Variants in POU2F3 observed in about 807,000 individuals in gnomAD.
The protein encoded by POU2F3 is POU domain, class 2, transcription factor 3.
POU2F3 carries 23 observed loss-of-function variants against 59.2 expected under a neutral mutation model. The ratio of observed to expected loss-of-function variants is 0.39; its 90% CI spans 0.28 to 0.55. The LOEUF is 0.55. Among genes scored for constraint, POU2F3 ranks in the 20% least tolerant of loss-of-function variants. POU2F3 has a pLI of 0.66. For missense variants in POU2F3, 473 were observed against 544.5 expected (o/e 0.87, Z 1.31); for synonymous variants, 190 against 214.6 (o/e 0.89, Z 1.00).
At chr11:120,275,048 G>A (rs933365595) in intron 3 of POU2F3, among the ~76,000 whole-genome samples, 1 of 152,238 alleles carries the variant, frequency 6.6e-6, no homozygotes, top group Non-Finnish European at 1.5e-5. Context: ...CACAGTGAGA[G>A]TGGATGTCAA....
chr11:120,248,771 C>G (rs115895131), intron 2 of POU2F3, among the ~76,000 whole-genome samples: 1 of 152,168 alleles, frequency 6.6e-6, no homozygotes, highest in Non-Finnish European at 1.5e-5. Context: ...TTAAAGTAAC[C>G]AAACTTCCTG....
At chr11:120,248,990 C>T (rs554659854) in intron 2 of POU2F3, among the ~76,000 whole-genome samples, 1 of 152,272 alleles carries the variant, frequency 6.6e-6, no homozygotes, top group African/African-American at 2.4e-5. Flanking sequence ...TGAAAGCACC[C>T]CCTGTGCTGC....
intron 3 of POU2F3, among the ~76,000 whole-genome samples, chr11:120,295,103 C>A (rs1341522624): frequency 6.6e-6 from 1 of 152,066 alleles, no homozygotes; most frequent in Non-Finnish European, 1.5e-5. Context: ...TTGGGAGTGC[C>A]CCCCAAAGAG....
At chr11:120,315,787 C>T (rs368629878) in intron 11 of POU2F3, among the ~76,000 whole-genome samples, 26 of 151,784 alleles carry the variant, frequency 1.7e-4, no homozygotes, top group East Asian at 9.7e-4. Flanking sequence ...ACAGGATGAT[C>T]GCATGCCCAA....
intron 10 of POU2F3, among the ~76,000 whole-genome samples, chr11:120,310,570 C>A (rs1052466245): frequency 4.6e-5 from 7 of 152,116 alleles, no homozygotes; most frequent in Non-Finnish European, 8.8e-5. Flanking sequence ...ATACCTTCTC[C>A]ATGCAGGGAG....
chr11:120,254,393 T>C (rs1591379177), intron 2 of POU2F3, among the ~76,000 whole-genome samples: 2 of 152,324 alleles, frequency 1.3e-5, no homozygotes, highest in Admixed American at 1.3e-4. Flanking sequence ...GGTTGCTCTT[T>C]CAAGGCAGAA....
chr11:120,299,741 G>C lies in POU2F3; in HGVS notation c.361+15G>C. The C allele has an allele frequency of 1.2e-6, 2 of 1,602,056 alleles. No homozygotes were observed. Among genetic ancestry groups the C allele is most frequent in the Non-Finnish European group, 1.7e-6 (2 of 1,174,542 alleles). Reference sequence around the variant, plus strand: ...TGGGCAGCAAGGTAAGAACCCTGGGGGTTTCCACCTAGACCAAGTCCAGTC... The same window carrying C: ...TGGGCAGCAAGGTAAGAACCCTGGGCGTTTCCACCTAGACCAAGTCCAGTC... On this transcript the variant is annotated intron_variant, in intron 5 of 12. Coordinates refer to ENST00000543440, the MANE Select transcript of POU2F3 (RefSeq NM_014352.4).
chr11:120,317,125 C>G (rs1274947227), intron 11 of POU2F3, 104 bp from the exon 12 acceptor site: 1 of 1,416,326 alleles, frequency 7.1e-7, no homozygotes, highest in East Asian at 2.3e-5. Flanking sequence ...GGTGAGGTCC[C>G]TTTGGGGATA....
intron 3 of POU2F3, among the ~76,000 whole-genome samples, chr11:120,291,878 G>A (rs1048478150): frequency 4.0e-5 from 6 of 149,888 alleles, no homozygotes; most frequent in African/African-American, 9.8e-5. Context: ...GCGCAATCTT[G>A]GCTTACTGCA....
At chr11:120,290,597 G>T (rs760859823) in intron 3 of POU2F3, among the ~76,000 whole-genome samples, 3 of 152,186 alleles carry the variant, frequency 2.0e-5, no homozygotes, top group Non-Finnish European at 2.9e-5. Context: ...TGGGAATGTT[G>T]CTTAAATTCT....
intron 1 of POU2F3, among the ~76,000 whole-genome samples, chr11:120,243,717 A>G (rs1300673795): frequency 1.3e-5 from 2 of 152,098 alleles, no homozygotes; most frequent in Non-Finnish European, 2.9e-5. Context: ...AGCTCGTCCC[A>G]CCCATCAGCC....
At chr11:120,310,365 GA>G (rs929074818) in intron 10 of POU2F3, among the ~76,000 whole-genome samples, 1 of 152,182 alleles carries the variant, frequency 6.6e-6, no homozygotes, top group African/African-American at 2.4e-5. Flanking sequence ...TTGAGATGAT[GA>G]AAACTGCAGG....
At chr11:120,252,637 G>A (rs1347906581) in intron 2 of POU2F3, among the ~76,000 whole-genome samples, 1 of 152,188 alleles carries the variant, frequency 6.6e-6, no homozygotes, top group East Asian at 1.9e-4. Context: ...TCGCAGAACA[G>A]CCTGTGGTGC....
chr11:120,264,204 C>CACAA (rs1409290596), intron 2 of POU2F3, among the ~76,000 whole-genome samples: 3 of 151,014 alleles, frequency 2.0e-5, no homozygotes, highest in Middle Eastern at 3.4e-3. Context: ...CACACACACA[C>CACAA]ACACACACAC....
Position 120,299,699 on chromosome 11 carries a change from C to T in POU2F3, c.334C>T (p.Leu112=). 1 of 1,613,410 alleles carries T rather than the reference C, an allele frequency of 6.2e-7. No individual in the cohort carries two copies. Among genetic ancestry groups the T allele is most frequent in the Non-Finnish European group, 8.5e-7 (1 of 1,179,960 alleles). The stretch of plus-strand genomic sequence containing the variant: ...CTTACAGTCTGTATCCCAGTTCCTG[C>T]TATCTCAGACCCAGCCTGGGCAGCA... ...GHLQSVSQFL[L]SQTQPGQQGL... is the part of the protein sequence containing the mutation. Residue 112 remains leucine (L), a synonymous_variant, in exon 5 of 13, where the codon CTA becomes TTA. Coordinates refer to ENST00000543440, the MANE Select transcript of POU2F3 (RefSeq NM_014352.4).
At chr11:120,278,458 A>T (rs1940425917) in intron 3 of POU2F3, among the ~76,000 whole-genome samples, 1 of 152,328 alleles carries the variant, frequency 6.6e-6, no homozygotes, top group South Asian at 2.1e-4. Flanking sequence ...TTCTCTTACC[A>T]GGAGACAGAG....
chr11:120,302,555 T>G, intron 6 of POU2F3, 187 bp downstream of exon 6: 1 of 569,766 alleles, frequency 1.8e-6, no homozygotes, highest in African/African-American at 1.9e-5. Context: ...TTACCAAGTG[T>G]CACTGGTGGG....
rs995488925 is a variant in POU2F3, at chr11:120,271,040, A to G, written c.132+1796A>G. On this transcript the variant is annotated intron_variant, in intron 3 of 12. Transcript: ENST00000543440. ...CTAAAAGGCTGCTAATTCTGGGTAC[A>G]TTCTTCACAGTCAGAGAGAAGAATA... is the stretch of plus-strand genomic sequence containing the variant. 6.6e-5 allele frequency among the ~76,000 whole-genome samples: 10 copies of G among 152,332 alleles called. No homozygotes were observed. The South Asian group carries it at 1.9e-3, about 28-fold the overall frequency.
intron 2 of POU2F3, among the ~76,000 whole-genome samples, chr11:120,247,872 G>A (rs1292196693): frequency 6.6e-6 from 1 of 152,190 alleles, no homozygotes; most frequent in African/African-American, 2.4e-5. Context: ...TTTACCTGGG[G>A]CCCATTGCCC....
Sources: allele counts gnomAD v4.1 joint callset (sites outside exome capture counted in the v4.1 genomes callset), GRCh38; gene constraint gnomAD v4.1.1; transcripts MANE v1.5; gene names NCBI Gene and HGNC (gene_info 2026-07-23, HGNC 2026-07-21).